Variants in KIF13A observed in about 807,000 individuals in gnomAD.
KIF13A encodes the protein kinesin family member 13A.
Under a neutral mutation model 212.2 loss-of-function variants are expected in KIF13A, and 79 were observed. The observed-to-expected ratio is 0.37, with a 90% CI of 0.31 to 0.45. The LOEUF (loss-of-function observed/expected upper bound fraction) is 0.45. Among genes scored for constraint, KIF13A ranks in the 20% least tolerant of loss-of-function variants. KIF13A has a pLI of 1.00. For synonymous variants in KIF13A, 789 were observed against 808.6 expected (o/e 0.98, Z 0.41); for missense variants, 1,901 against 2,209.0 (o/e 0.86, Z 2.79).
intron 38 of KIF13A, among the ~76,000 whole-genome samples, chr6:17,767,930 C>T (rs1050681537): frequency 3.2e-4 from 49 of 152,102 alleles, no homozygotes; most frequent in African/African-American, 1.2e-3. Context: ...ATCTACAAAG[C>T]CCCAAGAGAT....
Position 17,975,810 on chromosome 6 carries a change from G to A in KIF13A, c.146+11244C>T, listed in dbSNP as rs545389450. Among the ~76,000 whole-genome samples the A allele has an allele frequency of 1.3e-5, 2 of 152,228 alleles. 1 individual carries two copies. The highest frequency in any genetic ancestry group is 4.1e-4 in the South Asian group (2 of 4,822). ...CCACCAGAGTAGCTAGATACAGAGTGTCAATTGGTGCATTCACGAACCCTG... is the reference window on the plus strand; with the variant it reads ...CCACCAGAGTAGCTAGATACAGAGTATCAATTGGTGCATTCACGAACCCTG... On this transcript the variant is annotated intron_variant, in intron 2 of 38. Transcript: ENST00000259711.
At chr6:17,824,755 C>G (rs1301874629) in intron 16 of KIF13A, among the ~76,000 whole-genome samples, 2 of 113,300 alleles carry the variant, frequency 1.8e-5, no homozygotes, top group Non-Finnish European at 1.8e-5. Flanking sequence ...AGAGAGACTC[C>G]GTCTCAAAAA....
intron 2 of KIF13A, among the ~76,000 whole-genome samples, chr6:17,937,753 T>G (rs1036476806): frequency 1.6e-5 from 2 of 123,576 alleles, no homozygotes; most frequent in Non-Finnish European, 3.4e-5. Flanking sequence ...TTTGTTTTTT[T>G]TTTTTTGTTT....
intron 3 of KIF13A, among the ~76,000 whole-genome samples, chr6:17,885,783 A>G (rs551142491): frequency 1.6e-4 from 24 of 152,340 alleles, no homozygotes; most frequent in African/African-American, 5.8e-4. Flanking sequence ...TGCATAAGCA[A>G]TGAAGCACTA....
intron 20 of KIF13A, among the ~76,000 whole-genome samples, chr6:17,802,768 G>C (rs1762575453): frequency 6.6e-6 from 1 of 151,804 alleles, no homozygotes; most frequent in African/African-American, 2.4e-5. Context: ...TTTGAGACAG[G>C]GTCTTGCTCT....
chr6:17,908,179 C>T (rs900860183), intron 2 of KIF13A, among the ~76,000 whole-genome samples: 1 of 152,200 alleles, frequency 6.6e-6, no homozygotes, highest in Non-Finnish European at 1.5e-5. Context: ...TGAACGACTG[C>T]CCCACAGTGT....
rs955140378 is a variant in KIF13A at position 17,836,990 on chromosome 6, C to T, written c.1043G>A (p.Arg348Gln). The T allele has an allele frequency of 8.7e-6, 14 of 1,613,890 alleles. No individual in the cohort carries two copies. The highest frequency in any genetic ancestry group is 4.5e-5 in the East Asian group (2 of 44,862). Residue 348 changes from arginine to glutamine, a missense_variant, in exon 11 of 39, where the codon CGA becomes CAA. Transcript: ENST00000259711. The stretch of plus-strand genomic sequence containing the variant: ...AGCATGGTTCACAATCCTTTTGGCT[C>T]GGTCTGCATATCTTAATGTGGAGAG... ...ETLSTLRYAD[R>Q]AKRIVNHAVV...
chr6:17,791,090 A>G (rs1195825160), intron 25 of KIF13A, among the ~76,000 whole-genome samples: 1 of 151,920 alleles, frequency 6.6e-6, no homozygotes, highest in Non-Finnish European at 1.5e-5. Flanking sequence ...ATTTTCATAT[A>G]TACTTCAAAA....
At chr6:17,882,602 C>T (rs1246769422) in intron 3 of KIF13A, among the ~76,000 whole-genome samples, 2 of 151,294 alleles carry the variant, frequency 1.3e-5, no homozygotes, top group African/African-American at 4.9e-5. Flanking sequence ...TGCTCTGTCG[C>T]CCAGGCTGGA....
In KIF13A at chr6:17,794,876, TTTTA is replaced by T. The variant is rs1190943162; in HGVS notation, c.2943-176_2943-173del. The T allele has an allele frequency of 1.6e-6, 1 of 606,632 alleles. No homozygotes were observed. The highest frequency in any genetic ancestry group is 2.7e-6 in the Non-Finnish European group (1 of 364,776). The allele number at this position is 606,632 out of a possible 1,614,324, so 37.6% of individuals were successfully genotyped here. A position where few individuals can be genotyped will look rare whatever the true frequency, so the allele number is the denominator to read the frequency against. On this transcript the variant is annotated intron_variant, in intron 23 of 38. Transcript: ENST00000259711. The surrounding 1 kb of genome is among the most constrained non-coding windows in gnomAD (Gnocchi z 4.1). ...AAAACCAACCTGTCATATTGTTTCT[TTTTA>T]TTTATTTTACTGAGGTAGACTGAAA...
At position 17,828,590 on chromosome 6, in the gene KIF13A, C is replaced by T. The variant is rs1346164726; in HGVS notation, c.1402-220G>A. On this transcript the variant is annotated intron_variant, in intron 13 of 38. Transcript: ENST00000259711. The surrounding 1 kb of genome is among the most constrained non-coding windows in gnomAD (Gnocchi z 4.3). ...AACACTACCAAAAAAAATCCCCAAT[C>T]AACAATGATTAGTTATTGTTTTTAA... is the stretch of plus-strand genomic sequence containing the variant. Among the ~76,000 whole-genome samples the T allele has an allele frequency of 3.3e-5, 5 of 152,118 alleles. No homozygotes were observed. The highest frequency in any genetic ancestry group is 2.6e-4 in the Admixed American group (4 of 15,278).
intron 18 of KIF13A, 109 bp downstream of exon 18, chr6:17,808,659 G>T: frequency 1.1e-6 from 1 of 945,494 alleles, no homozygotes; most frequent in East Asian, 2.8e-5. Context: ...AACATCTCTG[G>T]CTGATATCAG....
In KIF13A at chr6:17,836,557, A is replaced by G. The variant is rs571642622; in HGVS notation, c.1155+321T>C. On this transcript the variant is annotated intron_variant, in intron 11 of 38. Transcript: ENST00000259711. ...ACCACATTGAGATGATGTATTAGTC[A>G]GTTCTCACATTGCTATAAAGAAATA... Among the ~76,000 whole-genome samples the G allele has an allele frequency of 1.1e-4, 17 of 152,326 alleles. No homozygotes were observed. The South Asian group carries it at 3.3e-3, about 30-fold the overall frequency.
rs955344965 is a variant in KIF13A at position 17,794,891 on chromosome 6, T to C, written c.2943-187A>G. 22 of 576,114 alleles carry C rather than the reference T, an allele frequency of 3.8e-5. No homozygotes were observed. Among genetic ancestry groups the C allele is most frequent in the East Asian group, 2.1e-4 (7 of 33,650 alleles). 35.7% of individuals were successfully genotyped at this position (576,114 alleles called of 1,614,324 possible). A position where few individuals can be genotyped will look rare whatever the true frequency, so the allele number is the denominator to read the frequency against. On this transcript the variant is annotated intron_variant, in intron 23 of 38. Coordinates refer to ENST00000259711, the MANE Select transcript of KIF13A (RefSeq NM_022113.6). The surrounding 1 kb of genome is among the most constrained non-coding windows in gnomAD (Gnocchi z 4.1). ...TATTGTTTCTTTTTATTTATTTTAC[T>C]GAGGTAGACTGAAATGTCCACATCT...
chr6:17,937,684 A>G (rs926815173), intron 2 of KIF13A, among the ~76,000 whole-genome samples: 4 of 152,144 alleles, frequency 2.6e-5, no homozygotes, highest in African/African-American at 4.8e-5. Flanking sequence ...AAGAATGTAC[A>G]AGAACCTAGA....
chr6:17,829,938 TTCG>T lies in KIF13A; in HGVS notation c.1401+1160_1401+1162del, dbSNP rs1765298316. 3.9e-5 allele frequency among the ~76,000 whole-genome samples: 6 copies of T among 152,120 alleles called. No individual in the cohort carries two copies. The highest frequency in any genetic ancestry group is 1.4e-4 in the African/African-American group (6 of 41,436). On this transcript the variant is annotated intron_variant, in intron 13 of 38. Transcript: ENST00000259711. The surrounding 1 kb of genome is among the most constrained non-coding windows in gnomAD (Gnocchi z 5.4). ...TCACTGTTCTCAAGCAGGCAATACC[TTCG>T]CATTTAGAGATTCAGGTGTGTGGAC...
downstream of KIF13A, chr6:17,759,523 C>G (rs967544398): frequency 6.6e-6 from 1 of 152,198 alleles, no homozygotes; most frequent in Non-Finnish European, 1.5e-5. Context: ...CTCTCTCTTG[C>G]TCTCACAACA....
At chr6:17,810,772 G>A (rs113318265) in intron 17 of KIF13A, among the ~76,000 whole-genome samples, 3 of 152,160 alleles carry the variant, frequency 2.0e-5, no homozygotes, top group Admixed American at 6.5e-5. Context: ...TAGATCTCTC[G>A]CATGTACAGT....
intron 17 of KIF13A, among the ~76,000 whole-genome samples, chr6:17,810,457 CTTCT>C (rs1290151996): frequency 3.3e-5 from 5 of 152,214 alleles, no homozygotes; most frequent in Non-Finnish European, 7.3e-5. Context: ...CATAAATCAC[CTTCT>C]ACACCAGTGG....
Sources: gnomAD v4.1 joint callset for allele counts (sites outside exome capture counted in the v4.1 genomes callset) on GRCh38, gnomAD v4.1.1 for gene constraint, Gnocchi (gnomAD v3.1) non-coding constraint, MANE v1.5 for transcripts, NCBI Gene and HGNC (gene_info 2026-07-23, HGNC 2026-07-21) for gene names.